SAE1: variants seen among roughly 807,000 people sequenced by gnomAD.
SAE1 encodes SUMO-activating enzyme subunit 1.
In SAE1, 11 loss-of-function variants were observed where a neutral mutation model predicts 40.6. That is an observed-to-expected ratio of 0.27 (90% CI 0.17 to 0.45). The LOEUF (loss-of-function observed/expected upper bound fraction) is 0.45, where lower values mean the gene tolerates loss of function less well. Ranked by LOEUF, SAE1 falls within the 20% of genes least tolerant of loss-of-function variation. The pLI is 1.00. For synonymous variants in SAE1, 155 were observed against 154.3 expected, an observed-to-expected ratio of 1.00 and a Z score of -0.03; for missense variants, 373 against 427.3, an observed-to-expected ratio of 0.87 and a Z score of 1.12.
chr19:47,167,749 C>T (rs1461155426), intron 5 of SAE1, among the ~76,000 whole-genome samples: 1 of 152,070 alleles, frequency 6.6e-6, no homozygotes, highest in Non-Finnish European at 1.5e-5. Context: ...TTTGCATCCC[C>T]CCCACCGCCC....
At chr19:47,157,962 G>A (rs939255669) in intron 5 of SAE1, among the ~76,000 whole-genome samples, 4 of 151,876 alleles carry the variant, frequency 2.6e-5, no homozygotes, top group African/African-American at 4.8e-5. Context: ...GCCTCCTTCC[G>A]TTTTGGCACA....
At chr19:47,150,412 A>G in intron 3 of SAE1, 37 bp downstream of exon 3, 1 of 1,536,780 alleles carries the variant, frequency 6.5e-7, no homozygotes. Flanking sequence ...GTGGGAATTA[A>G]ACAAATTAAG....
chr19:47,187,632 G>T (rs1490984899), intron 6 of SAE1, among the ~76,000 whole-genome samples: 1 of 151,908 alleles, frequency 6.6e-6, no homozygotes, highest in Non-Finnish European at 1.5e-5. Context: ...AGCAATTCTC[G>T]TACCTCAGCC....
At chr19:47,166,271 G>A (rs1466554941) in intron 5 of SAE1, among the ~76,000 whole-genome samples, 1 of 152,138 alleles carries the variant, frequency 6.6e-6, no homozygotes, top group Admixed American at 6.6e-5. Context: ...GAAGAGAAGT[G>A]GGCACGGATG....
At chr19:47,209,024 A>G (rs961502111) in intron 8 of SAE1, 135 bp from the exon 9 acceptor site, 16 of 691,254 alleles carry the variant, frequency 2.3e-5, no homozygotes, top group Admixed American at 8.3e-5. Context: ...GTCTCCAGAC[A>G]TTGCCAAATA....
chr19:47,209,534 CCTCTGCCCTTT>C lies in SAE1; in HGVS notation c.*289_*299del. 1 of 546,712 alleles carries C rather than the reference CCTCTGCCCTTT, an allele frequency of 1.8e-6. No individual in the cohort carries two copies. Among genetic ancestry groups the C allele is most frequent in the Admixed American group, 3.2e-5 (1 of 30,842 alleles). The allele number at this position is 546,712 out of a possible 1,614,324, so 33.9% of individuals were successfully genotyped here. ...TGAGTGATGAGCACTTCCAAGCACC[CCTCTGCCCTTT>C]CTCTGTCCTTATGCTGTCCCGGCCT... On this transcript the variant is annotated 3_prime_UTR_variant, in exon 9 of 9. Coordinates refer to ENST00000270225, the MANE Select transcript of SAE1 (RefSeq NM_005500.3).
chr19:47,146,113 G>A (rs2058254364), intron 2 of SAE1, among the ~76,000 whole-genome samples: 1 of 152,132 alleles, frequency 6.6e-6, no homozygotes, highest in African/African-American at 2.4e-5. Flanking sequence ...GCACCCTACA[G>A]TGTGGTAGAA....
intron 5 of SAE1, among the ~76,000 whole-genome samples, chr19:47,168,523 G>A (rs543477439): frequency 2.0e-5 from 3 of 152,144 alleles, no homozygotes; most frequent in Admixed American, 2.0e-4. Context: ...TTGACTCCTG[G>A]ACTCAGGTGA....
At chr19:47,156,115 T>C (rs1275743010) in intron 5 of SAE1, among the ~76,000 whole-genome samples, 2 of 150,946 alleles carry the variant, frequency 1.3e-5, no homozygotes, top group Non-Finnish European at 3.0e-5. Context: ...ACAAAAAAAA[T>C]GTAAAAATTT....
chr19:47,207,852 TCTCGAA>T (rs1458773533), intron 8 of SAE1, among the ~76,000 whole-genome samples: 1 of 152,058 alleles, frequency 6.6e-6, no homozygotes, highest in Non-Finnish European at 1.5e-5. Flanking sequence ...CCCAGGCTGG[TCTCGAA>T]CTCCTGGGCT....
chr19:47,197,922 C>T (rs1030844781), intron 7 of SAE1, among the ~76,000 whole-genome samples: 1 of 152,342 alleles, frequency 6.6e-6, no homozygotes, highest in African/African-American at 2.4e-5. Context: ...ATTTGGTCAG[C>T]ATTGCCACCT....
chr19:47,139,458 T>A (rs933547366), intron 1 of SAE1, among the ~76,000 whole-genome samples: 1 of 152,152 alleles, frequency 6.6e-6, no homozygotes, highest in African/African-American at 2.4e-5. Flanking sequence ...AGTGCTGGGA[T>A]TACAGGTGTG....
intron 6 of SAE1, among the ~76,000 whole-genome samples, chr19:47,181,863 G>T (rs140730571): frequency 6.8e-6 from 1 of 146,138 alleles, no homozygotes. Flanking sequence ...TAGTGCAGTG[G>T]TATGATCACA....
In SAE1 at chr19:47,156,464, C is replaced by T. The variant is rs191181633; in HGVS notation, c.627+1251C>T. On this transcript the variant is annotated intron_variant, in intron 5 of 8. Transcript: ENST00000270225. Reference sequence around the variant, plus strand: ...ACTGCACTCCAGCCTGGCGACAGAACGAGACTCTGTCTCCAAAAAAAAAAG... The same window carrying T: ...ACTGCACTCCAGCCTGGCGACAGAATGAGACTCTGTCTCCAAAAAAAAAAG... Among the ~76,000 whole-genome samples the T allele has an allele frequency of 1.2e-3, 185 of 150,348 alleles. 4 individuals carry two copies. In the East Asian group the frequency reaches 0.034, roughly 27 times the overall value.
chr19:47,201,344 G>A (rs1259932542), intron 7 of SAE1, among the ~76,000 whole-genome samples: 3 of 130,330 alleles, frequency 2.3e-5, no homozygotes, highest in South Asian at 5.0e-4. Flanking sequence ...ACTGCACCTG[G>A]CCTGTTATCT....
Position 47,130,948 on chromosome 19 carries a change from G to C in SAE1, c.18G>C (p.Glu6Asp). Reference protein sequence around the residue: MVEKEEAGGGISEEEA... With the variant: MVEKEDAGGGISEEEA... ...CCGGCGCCATGGTGGAGAAGGAGGA[G>C]GCTGGCGGCGGCATTAGCGAGGAGG... is the stretch of plus-strand genomic sequence containing the variant. Residue 6 changes from glutamate (E) to aspartate (D), a missense_variant, in exon 1 of 9, where the codon GAG becomes GAC. Transcript: ENST00000270225. The C allele has an allele frequency of 6.5e-7, 1 of 1,550,118 alleles. No individual in the cohort carries two copies. The highest frequency in any genetic ancestry group is 8.7e-7 in the Non-Finnish European group (1 of 1,146,592).
chr19:47,200,038 C>G (rs1025339018), intron 7 of SAE1, among the ~76,000 whole-genome samples: 1 of 151,804 alleles, frequency 6.6e-6, no homozygotes, highest in East Asian at 1.9e-4. Flanking sequence ...TCACGCCATT[C>G]TCCTGCCTCA....
chr19:47,167,906 T>C (rs1052948680), intron 5 of SAE1, among the ~76,000 whole-genome samples: 1 of 152,220 alleles, frequency 6.6e-6, no homozygotes, highest in Non-Finnish European at 1.5e-5. Flanking sequence ...GAACTGCTTT[T>C]TTCTGGCTAG....
chr19:47,156,807 A>G (rs1185656371), intron 5 of SAE1, among the ~76,000 whole-genome samples: 1 of 152,152 alleles, frequency 6.6e-6, no homozygotes, highest in African/African-American at 2.4e-5. Flanking sequence ...ATTAGGTGCA[A>G]TAATTACATT....
Sources: allele counts gnomAD v4.1 joint callset (sites outside exome capture counted in the v4.1 genomes callset), GRCh38; gene constraint gnomAD v4.1.1; transcripts MANE v1.5; gene names NCBI Gene and HGNC (gene_info 2026-07-23, HGNC 2026-07-21).